PATJ: variants seen among roughly 807,000 people sequenced by gnomAD.
PATJ encodes the protein PATJ crumbs cell polarity complex component.
A neutral mutation model predicts 224.9 loss-of-function variants in PATJ; 190 were observed. The observed-to-expected ratio is 0.84, with a 90% CI of 0.75 to 0.95. The LOEUF is 0.95. PATJ is among the 40% of genes least tolerant of loss of function. The probability of loss-of-function intolerance (pLI) is 0.00; values close to 1 mark genes in which losing one functional copy is unlikely to be tolerated. For synonymous variants in PATJ, 769 were observed against 820.3 expected (o/e 0.94, Z 1.07); for missense variants, 2,121 against 2,270.3 (o/e 0.93, Z 1.34).
At chr1:61,807,295 G>A (rs1653786635) in intron 13 of PATJ, among the ~76,000 whole-genome samples, 1 of 152,248 alleles carries the variant, frequency 6.6e-6, no homozygotes, top group South Asian at 2.1e-4. Context: ...TCCCACCTCA[G>A]CCTCCTGACT....
chr1:61,894,280 A>C (rs113279131), intron 22 of PATJ, among the ~76,000 whole-genome samples: 2 of 151,970 alleles, frequency 1.3e-5, no homozygotes, highest in Non-Finnish European at 2.9e-5. Context: ...CACAAAAAAA[A>C]AACAGAGAAT....
At chr1:62,037,175 T>C (rs562262766) in intron 29 of PATJ, among the ~76,000 whole-genome samples, 21 of 152,292 alleles carry the variant, frequency 1.4e-4, no homozygotes, top group African/African-American at 5.1e-4. Context: ...TTGGTTTATA[T>C]TGTGAAACAT....
rs5774582 is a variant in PATJ at position 62,121,342 on chromosome 1, T to TAAAAA, written c.5005+55_5005+59dup. ...AGCAAAACTATCCTGTTACCCAAAT[T>TAAAAA]AAAAAAAAAAAATGTGTTTTTTAAA... On this transcript the variant is annotated intron_variant, in intron 38 of 43. Coordinates refer to ENST00000642238, the MANE Select transcript of PATJ (RefSeq NM_001350145.3). 2,095 of 845,910 alleles carry TAAAAA rather than the reference T, an allele frequency of 2.5e-3. 22 individuals are homozygous for TAAAAA. In the African/African-American group the frequency reaches 0.029, roughly 12 times the overall value. The allele number at this position is 845,910 out of a possible 1,614,324, so 52.4% of individuals were successfully genotyped here. A position where few individuals can be genotyped will look rare whatever the true frequency, so the allele number is the denominator to read the frequency against.
chr1:61,779,263 C>T (rs764705902), intron 7 of PATJ, among the ~76,000 whole-genome samples: 8 of 152,022 alleles, frequency 5.3e-5, no homozygotes, highest in African/African-American at 9.7e-5. Context: ...GTCCAAAATA[C>T]GTAGGGAAGG....
intron 39 of PATJ, among the ~76,000 whole-genome samples, chr1:62,127,758 G>A (rs1327038085): frequency 2.0e-5 from 3 of 152,036 alleles, no homozygotes; most frequent in Non-Finnish European, 4.4e-5. Flanking sequence ...AGTGACCTGA[G>A]ATCGTGCCAT....
At chr1:61,956,832 G>A (rs1039038897) in intron 27 of PATJ, among the ~76,000 whole-genome samples, 7 of 152,178 alleles carry the variant, frequency 4.6e-5, no homozygotes, top group African/African-American at 1.7e-4. Flanking sequence ...ATGATCATTT[G>A]CAAGTTGTTT....
chr1:61,781,216 C>T (rs1390140369), intron 7 of PATJ, among the ~76,000 whole-genome samples: 2 of 152,160 alleles, frequency 1.3e-5, no homozygotes, highest in Non-Finnish European at 2.9e-5. Context: ...CTGATATACA[C>T]CTGTGCACAA....
chr1:61,855,887 A>G (rs1663575403), intron 17 of PATJ, 143 bp from the exon 18 acceptor site: 1 of 635,590 alleles, frequency 1.6e-6, no homozygotes, highest in South Asian at 2.0e-5. Flanking sequence ...ATTTATTTTT[A>G]CCTGTTTAGA....
intron 33 of PATJ, among the ~76,000 whole-genome samples, chr1:62,097,641 C>T (rs1300008941): frequency 6.6e-6 from 1 of 152,132 alleles, no homozygotes; most frequent in Non-Finnish European, 1.5e-5. Flanking sequence ...CACTTCAGAA[C>T]CCAAGCAACA....
Position 61,805,458 on chromosome 1 carries a change from A to G in PATJ, c.1560A>G (p.Pro520=), listed in dbSNP as rs2148611332. The change falls in exon 13 of 44, where the codon CCA becomes CCG. Residue 520 remains proline, a synonymous_variant. Coordinates refer to ENST00000642238, the MANE Select transcript of PATJ (RefSeq NM_001350145.3). The stretch of plus-strand genomic sequence containing the variant: ...TTTTTTAATATCCAGAAAAAGTCCC[A>G]GACTCTCCAGAAAATGAGCTGAAAT... ...IQALEKLEKV[P]DSPENELKSR... is the part of the protein sequence containing the mutation. 6.2e-7 allele frequency: 1 copy of G among 1,602,586 alleles called. No homozygotes were observed. Among genetic ancestry groups the G allele is most frequent in the African/African-American group, 1.3e-5 (1 of 74,778 alleles).
At chr1:62,034,657 A>T (rs537665353) in intron 29 of PATJ, among the ~76,000 whole-genome samples, 2 of 152,178 alleles carry the variant, frequency 1.3e-5, no homozygotes, top group South Asian at 4.1e-4. Context: ...ATGCTGAGGG[A>T]TGTGACCACT....
Position 61,827,438 on chromosome 1 carries a change from T to C in PATJ, c.1835T>C (p.Leu612Pro), listed in dbSNP as rs1557715853. The C allele has an allele frequency of 6.2e-7, 1 of 1,613,884 alleles. No homozygotes were observed. The highest frequency in any genetic ancestry group is 8.5e-7 in the Non-Finnish European group (1 of 1,179,954). ...TCTTCCTAGGTCAATGGCATGCAGCTTTATGGAAAATCTCGCCGAGAAGCA... is the reference window on the plus strand; with the variant it reads ...TCTTCCTAGGTCAATGGCATGCAGCCTTATGGAAAATCTCGCCGAGAAGCA... ...DELLEVNGMQ[L>P]YGKSRREAVS... is the part of the protein sequence containing the mutation. Residue 612 changes from leucine (L) to proline (P), a missense_variant, in exon 16 of 44, where the codon CTT becomes CCT. Leu to Pro is a moderately conservative substitution (Grantham distance 98). Transcript: ENST00000642238.
In PATJ at chr1:62,052,971, C is replaced by G. The variant is rs962715826; in HGVS notation, c.4125+1913C>G. 2.0e-5 allele frequency among the ~76,000 whole-genome samples: 3 copies of G among 152,234 alleles called. No homozygotes were observed. The East Asian group carries it at 5.8e-4, about 29-fold the overall frequency. The stretch of plus-strand genomic sequence containing the variant: ...CAACAGAATTTTGTAGGTAGGCATC[C>G]CCAATTTCATCCACAGAGGAAATGG... On this transcript the variant is annotated intron_variant, in intron 31 of 43. Coordinates refer to ENST00000642238, the MANE Select transcript of PATJ (RefSeq NM_001350145.3).
At chr1:61,818,399 TTCAC>T (rs1397175641) in intron 14 of PATJ, among the ~76,000 whole-genome samples, 3 of 152,244 alleles carry the variant, frequency 2.0e-5, no homozygotes, top group African/African-American at 7.2e-5. Context: ...AGTCGTCTGT[TTCAC>T]TCACTCTGTC....
intron 24 of PATJ, among the ~76,000 whole-genome samples, chr1:61,903,930 G>T (rs112307451): frequency 6.6e-6 from 1 of 151,712 alleles, no homozygotes; most frequent in Non-Finnish European, 1.5e-5. Flanking sequence ...CCACCACCAC[G>T]CCCGGCTAAT....
chr1:61,791,513 A>C, intron 9 of PATJ, 66 bp downstream of exon 9: 1 of 969,700 alleles, frequency 1.0e-6, no homozygotes, highest in Non-Finnish European at 1.6e-6. Flanking sequence ...TAGATAGTGA[A>C]ATTAAATACT....
At chr1:62,050,843 C>A in intron 30 of PATJ, 123 bp from the exon 31 acceptor site, 1 of 712,888 alleles carries the variant, frequency 1.4e-6, no homozygotes, top group Non-Finnish European at 2.4e-6. Context: ...GAAAATACTT[C>A]CTCAGAGGAA....
chr1:61,906,980 T>C (rs1671945987), intron 24 of PATJ, among the ~76,000 whole-genome samples: 2 of 152,178 alleles, frequency 1.3e-5, no homozygotes, highest in African/African-American at 4.8e-5. Flanking sequence ...GGGAGGTAAT[T>C]GAATCATGGG....
intron 28 of PATJ, among the ~76,000 whole-genome samples, chr1:61,994,327 A>G (rs555343000): frequency 6.6e-6 from 1 of 152,320 alleles, no homozygotes; most frequent in South Asian, 2.1e-4. Flanking sequence ...TAGTGTGGGA[A>G]TTAATAAGAG....
Sources: allele counts gnomAD v4.1 joint callset (sites outside exome capture counted in the v4.1 genomes callset), GRCh38; gene constraint gnomAD v4.1.1; transcripts MANE v1.5; gene names NCBI Gene and HGNC (gene_info 2026-07-23, HGNC 2026-07-21).